LYRM4: variants seen among roughly 807,000 people sequenced by gnomAD.
LYRM4 encodes the protein LYR motif containing 4.
LYRM4 carries 9 observed loss-of-function variants against 11.7 expected under a neutral mutation model. The ratio of observed to expected loss-of-function variants is 0.77; its 90% confidence interval spans 0.46 to 1.34. The LOEUF (loss-of-function observed/expected upper bound fraction) is 1.34. Ranked by LOEUF, LYRM4 falls within the 40% of genes most tolerant of loss-of-function variation. LYRM4 has a pLI of 0.00. For missense variants in LYRM4, 133 were observed against 112.5 expected, an observed-to-expected ratio of 1.18 and a Z score of -0.82; for synonymous variants, 42 against 40.4, an observed-to-expected ratio of 1.04 and a Z score of -0.15.
intron 2 of LYRM4, among the ~76,000 whole-genome samples, chr6:5,173,465 C>A (rs548546661): frequency 6.0e-4 from 92 of 152,340 alleles, no homozygotes; most frequent in Non-Finnish European, 1.2e-3. Context: ...CTGAATCAGT[C>A]ATACAATAAG....
the LYRM4 span, among the ~76,000 whole-genome samples, chr6:5,079,847 A>G: frequency 6.6e-6 from 1 of 152,238 alleles, no homozygotes; most frequent in Admixed American, 6.5e-5. Flanking sequence ...TATCTGATTC[A>G]CAAGGAAGCA....
intron 2 of LYRM4, among the ~76,000 whole-genome samples, chr6:5,200,534 G>A (rs1293984491): frequency 1.3e-5 from 2 of 152,172 alleles, no homozygotes; most frequent in East Asian, 3.8e-4. Context: ...CGGTAAAAGT[G>A]CAACAGAATA....
chr6:5,166,037 T>C (rs368863483), intron 2 of LYRM4, among the ~76,000 whole-genome samples: 3 of 152,190 alleles, frequency 2.0e-5, no homozygotes, highest in Non-Finnish European at 4.4e-5. Context: ...TATAAACTTA[T>C]ATAAAACTGT....
At chr6:5,086,006 T>C in the LYRM4 span, 2 of 1,519,476 alleles carry the variant, frequency 1.3e-6, no homozygotes, top group Non-Finnish European at 1.8e-6. Context: ...GCCGAGGACC[T>C]GGAGCAGCTC....
the LYRM4 span, among the ~76,000 whole-genome samples, chr6:5,070,869 GAAAAAAA>G: frequency 8.3e-5 from 4 of 48,100 alleles, no homozygotes; most frequent in East Asian, 7.8e-4. Flanking sequence ...ACCCTGTCTT[GAAAAAAA>G]AAAAAAAAAA....
chr6:5,060,924 A>G, the LYRM4 span, among the ~76,000 whole-genome samples: 1 of 152,202 alleles, frequency 6.6e-6, no homozygotes, highest in Admixed American at 6.5e-5. Flanking sequence ...GGTATTTATT[A>G]AATAATTCAT....
intron 2 of LYRM4, among the ~76,000 whole-genome samples, chr6:5,212,949 G>C (rs548284034): frequency 6.6e-6 from 1 of 152,354 alleles, no homozygotes; most frequent in Admixed American, 6.5e-5. Context: ...TAAGGACTGT[G>C]TGAAGGCTAA....
intron 2 of LYRM4, among the ~76,000 whole-genome samples, chr6:5,123,721 C>A (rs1763570525): frequency 6.6e-6 from 1 of 152,214 alleles, no homozygotes; most frequent in African/African-American, 2.4e-5. Flanking sequence ...CTGAGGGGCC[C>A]ATGCCGATGG....
chr6:5,213,583 C>T (rs1468328911), intron 2 of LYRM4, among the ~76,000 whole-genome samples: 1 of 152,092 alleles, frequency 6.6e-6, no homozygotes, highest in Non-Finnish European at 1.5e-5. Context: ...GGGAGAGAGA[C>T]GTGATATGAA....
intron 2 of LYRM4, among the ~76,000 whole-genome samples, chr6:5,196,609 C>A (rs915409302): frequency 9.9e-5 from 15 of 152,198 alleles, no homozygotes; most frequent in Non-Finnish European, 1.8e-4. Context: ...GAGCTGGGCA[C>A]AGCACACCAC....
At chr6:5,245,549 A>C (rs1232162129) in intron 1 of LYRM4, among the ~76,000 whole-genome samples, 1 of 152,152 alleles carries the variant, frequency 6.6e-6, no homozygotes. Flanking sequence ...GGAAGACAAG[A>C]GAGGGGCTGC....
At chr6:5,115,424 G>A (rs1047637966) in intron 2 of LYRM4, among the ~76,000 whole-genome samples, 3 of 152,312 alleles carry the variant, frequency 2.0e-5, no homozygotes, top group Admixed American at 6.5e-5. Context: ...GCTAAAGGCC[G>A]TATTCTCTAT....
chr6:5,190,423 G>C (rs1481600521), intron 2 of LYRM4, among the ~76,000 whole-genome samples: 1 of 152,088 alleles, frequency 6.6e-6, no homozygotes, highest in African/African-American at 2.4e-5. Flanking sequence ...CACCGTATCT[G>C]TTCTAATAGG....
intron 2 of LYRM4, among the ~76,000 whole-genome samples, chr6:5,126,444 A>G (rs1763703083): frequency 6.6e-6 from 1 of 152,220 alleles, no homozygotes; most frequent in African/African-American, 2.4e-5. Flanking sequence ...ATGCATGAAA[A>G]AGCAACTGAA....
At chr6:5,167,116 C>T (rs1759130576) in intron 2 of LYRM4, among the ~76,000 whole-genome samples, 1 of 152,186 alleles carries the variant, frequency 6.6e-6, no homozygotes, top group African/African-American at 2.4e-5. Flanking sequence ...AGGCTTGAGG[C>T]ATTTTGTTCA....
intron 2 of LYRM4, among the ~76,000 whole-genome samples, chr6:5,146,876 C>A (rs1293462913): frequency 6.6e-6 from 1 of 152,150 alleles, no homozygotes; most frequent in African/African-American, 2.4e-5. Flanking sequence ...GAAATAATTC[C>A]AATACATTCT....
At chr6:5,162,967 C>G (rs561776388) in intron 2 of LYRM4, among the ~76,000 whole-genome samples, 1 of 152,002 alleles carries the variant, frequency 6.6e-6, no homozygotes, top group Non-Finnish European at 1.5e-5. Flanking sequence ...TTAAAAAAAT[C>G]GATTTGTAGG....
intron 2 of LYRM4, among the ~76,000 whole-genome samples, chr6:5,127,526 T>C (rs1385393209): frequency 6.6e-6 from 1 of 152,238 alleles, no homozygotes; most frequent in Non-Finnish European, 1.5e-5. Flanking sequence ...ATTGGACATG[T>C]GGCTGTTTAG....
chr6:5,173,039 C>T (rs947980873), intron 2 of LYRM4, among the ~76,000 whole-genome samples: 7 of 152,076 alleles, frequency 4.6e-5, no homozygotes, highest in African/African-American at 1.7e-4. Flanking sequence ...TTAAAAATAC[C>T]GGAAGTATCA....
Sources: gnomAD v4.1 joint callset for allele counts (sites outside exome capture counted in the v4.1 genomes callset) on GRCh38, gnomAD v4.1.1 for gene constraint, MANE v1.5 for transcripts, NCBI Gene and HGNC (gene_info 2026-07-23, HGNC 2026-07-21) for gene names.